PCDHA1: variants seen among roughly 807,000 people sequenced by gnomAD.
The protein encoded by PCDHA1 is protocadherin alpha-1.
PCDHA1 carries 42 observed loss-of-function variants against 61.3 expected under a neutral mutation model. That is an observed-to-expected ratio of 0.69 (90% confidence interval 0.54 to 0.89). The LOEUF (loss-of-function observed/expected upper bound fraction) is 0.89, where lower values mean the gene tolerates loss of function less well. Ranked by LOEUF, PCDHA1 falls within the 40% of genes least tolerant of loss-of-function variation. The probability of loss-of-function intolerance (pLI) is 0.00; values close to 1 mark genes in which losing one functional copy is unlikely to be tolerated. For synonymous variants in PCDHA1, 610 were observed against 553.8 expected (o/e 1.10, Z -1.43); for missense variants, 1,256 against 1,235.3 (o/e 1.02, Z -0.25).
intron 1 of PCDHA1, chr5:140,861,780 G>A (rs2047084073): frequency 1.2e-5 from 2 of 161,142 alleles, no homozygotes; most frequent in African/African-American, 2.4e-5. Flanking sequence ...CCAAGAGCAG[G>A]TAAAACCACT....
intron 1 of PCDHA1, among the ~76,000 whole-genome samples, chr5:140,946,711 T>C (rs1165441185): frequency 1.3e-5 from 2 of 150,618 alleles, no homozygotes; most frequent in African/African-American, 2.5e-5. Context: ...GAGGTCATTA[T>C]GTTTAGTTAA....
In PCDHA1 at chr5:140,796,286, T is replaced by C. The variant is rs1241984619; in HGVS notation, c.2394+7602T>C. The C allele has an allele frequency of 8.7e-6, 14 of 1,614,152 alleles. No homozygotes were observed. The South Asian group carries it at 1.3e-4, about 15-fold the overall frequency. ...CCTTCACTGTGGGCCACCACCAGCG[T>C]GTCCATCGAGGTGGCCGACGTGAAC... On this transcript the variant is annotated intron_variant, in intron 1 of 3. Coordinates refer to ENST00000504120, the MANE Select transcript of PCDHA1 (RefSeq NM_018900.4).
intron 1 of PCDHA1, chr5:140,801,080 G>A: frequency 1.3e-6 from 2 of 1,481,496 alleles, no homozygotes; most frequent in Non-Finnish European, 8.9e-7. Flanking sequence ...ATACTGCTTT[G>A]CTTCATCCTC....
intron 1 of PCDHA1, chr5:140,884,171 C>A: frequency 6.2e-7 from 1 of 1,613,414 alleles, no homozygotes; most frequent in Non-Finnish European, 8.5e-7. Flanking sequence ...CAGCACGACG[C>A]GCCCTCTGGA....
intron 1 of PCDHA1, among the ~76,000 whole-genome samples, chr5:140,907,765 T>C (rs901037519): frequency 8.5e-5 from 13 of 152,144 alleles, no homozygotes; most frequent in African/African-American, 3.1e-4. Flanking sequence ...GCCCATTGGG[T>C]GATGACAGGG....
chr5:140,797,316 A>G, intron 1 of PCDHA1: 1 of 1,614,246 alleles, frequency 6.2e-7, no homozygotes, highest in Non-Finnish European at 8.5e-7. Context: ...ACTCCGCAGA[A>G]GAGAAACAGC....
chr5:140,891,399 C>T (rs979878059), intron 1 of PCDHA1, among the ~76,000 whole-genome samples: 12 of 151,644 alleles, frequency 7.9e-5, no homozygotes, highest in African/African-American at 2.4e-4. Context: ...TTTTATCCCT[C>T]GCCACCCCCC....
intron 1 of PCDHA1, chr5:140,843,183 C>T: frequency 6.3e-7 from 1 of 1,596,024 alleles, no homozygotes; most frequent in Non-Finnish European, 8.6e-7. Context: ...CCTCGCATCC[C>T]GTTCCGCGTG....
At chr5:140,829,414 G>C (rs782476572) in intron 1 of PCDHA1, 12 of 1,614,044 alleles carry the variant, frequency 7.4e-6, no homozygotes, top group African/African-American at 6.7e-5. Flanking sequence ...CCGCCAGCTT[G>C]TCTGTGGAGG....
chr5:140,840,155 G>C (rs2150303964), intron 1 of PCDHA1, among the ~76,000 whole-genome samples: 1 of 152,102 alleles, frequency 6.6e-6, no homozygotes, highest in East Asian at 1.9e-4. Flanking sequence ...CGTGAAAGGA[G>C]AGATGGGATG....
In PCDHA1 at chr5:140,850,799, C is replaced by T. The variant is rs2150498794; in HGVS notation, c.2394+62115C>T. On this transcript the variant is annotated intron_variant, in intron 1 of 3. Coordinates refer to ENST00000504120, the MANE Select transcript of PCDHA1 (RefSeq NM_018900.4). ...CTGGCGAGGGTAAGCAGAAGACCGA[C>T]CTCATGGCCTTCAGCCCGGGCCTTT... The T allele has an allele frequency of 1.8e-4, 280 of 1,598,266 alleles. 23 individuals are homozygous for T. The Admixed American group carries it at 4.6e-3, about 26-fold the overall frequency.
intron 1 of PCDHA1, among the ~76,000 whole-genome samples, chr5:140,946,411 A>G (rs1554217552): frequency 1.1e-4 from 16 of 151,766 alleles, no homozygotes. Context: ...ATCATAGAAA[A>G]CAATATGGAG....
At chr5:140,990,272 C>T (rs568200508) in intron 3 of PCDHA1, among the ~76,000 whole-genome samples, 12 of 152,196 alleles carry the variant, frequency 7.9e-5, no homozygotes, top group African/African-American at 1.4e-4. Flanking sequence ...CAATGTACCC[C>T]GGGTCTTGAG....
chr5:140,802,298 A>G (rs1333077936), intron 1 of PCDHA1: 2 of 1,614,126 alleles, frequency 1.2e-6, no homozygotes, highest in African/African-American at 2.7e-5. Flanking sequence ...CACTTAGCAC[A>G]GTCATCGCTC....
intron 1 of PCDHA1, among the ~76,000 whole-genome samples, chr5:140,940,805 A>G (rs957278090): frequency 6.6e-6 from 1 of 152,202 alleles, no homozygotes. Context: ...ATTTGCCAGG[A>G]TATCCTGAGA....
At chr5:140,884,130 C>G (rs1554181258) in intron 1 of PCDHA1, 4 of 1,613,434 alleles carry the variant, frequency 2.5e-6, no homozygotes, top group African/African-American at 1.3e-5. Context: ...GCGCGCATCC[C>G]GTTCCGCGTG....
chr5:140,864,489 A>C (rs1194272327), intron 1 of PCDHA1: 1 of 152,184 alleles, frequency 6.6e-6, no homozygotes, highest in Admixed American at 6.5e-5. Flanking sequence ...CAGTGGGTGG[A>C]ATTTTAGCCT....
intron 1 of PCDHA1, among the ~76,000 whole-genome samples, chr5:140,957,345 A>G (rs1375707193): frequency 6.6e-6 from 1 of 152,170 alleles, no homozygotes; most frequent in Admixed American, 6.5e-5. Flanking sequence ...ATTTTGAGAG[A>G]GAGACCACAT....
At chr5:140,926,771 A>C (rs2083548742) in intron 1 of PCDHA1, 11 of 1,372,492 alleles carry the variant, frequency 8.0e-6, no homozygotes, top group Non-Finnish European at 1.0e-5. Context: ...TCCAGCCCGC[A>C]GCAGTGACGG....
Sources: allele counts gnomAD v4.1 joint callset (sites outside exome capture counted in the v4.1 genomes callset), GRCh38; gene constraint gnomAD v4.1.1; transcripts MANE v1.5; gene names NCBI Gene and HGNC (gene_info 2026-07-23, HGNC 2026-07-21).